RFC1: variants seen among roughly 807,000 people sequenced by gnomAD.
RFC1 encodes the protein A1 140 kDa subunit.
RFC1 carries 37 observed loss-of-function variants against 137.4 expected under a neutral mutation model. That is an observed-to-expected ratio of 0.27 (90% CI 0.21 to 0.35). RFC1 has a LOEUF of 0.35. Ranked by LOEUF, RFC1 falls within the 10% of genes least tolerant of loss-of-function variation. The pLI is 1.00. For missense variants in RFC1, 1,205 were observed against 1,358.5 expected (o/e 0.89, Z 1.78); for synonymous variants, 429 against 455.7 (o/e 0.94, Z 0.75).
chr4:39,322,826 A>G (rs1340514738), intron 7 of RFC1, among the ~76,000 whole-genome samples: 1 of 151,856 alleles, frequency 6.6e-6, no homozygotes, highest in Non-Finnish European at 1.5e-5. Flanking sequence ...GCTCACATCT[A>G]TAATCCTAGC....
chr4:39,346,495 C>G (rs1740867450), intron 2 of RFC1, among the ~76,000 whole-genome samples: 1 of 150,038 alleles, frequency 6.7e-6, no homozygotes, highest in Admixed American at 6.6e-5. Context: ...AAAAAAAGTA[C>G]TAAATAAAAC....
chr4:39,306,036 ACT>A (rs1215600731), intron 14 of RFC1, among the ~76,000 whole-genome samples: 1 of 152,216 alleles, frequency 6.6e-6, no homozygotes, highest in Non-Finnish European at 1.5e-5. Context: ...TAACACGTGA[ACT>A]CTGATCTGCT....
At chr4:39,356,783 T>G (rs1387217650) in intron 1 of RFC1, among the ~76,000 whole-genome samples, 3 of 152,200 alleles carry the variant, frequency 2.0e-5, no homozygotes, top group Admixed American at 6.5e-5. Context: ...AATAACTTTT[T>G]TAAAGAAATC....
intron 23 of RFC1, among the ~76,000 whole-genome samples, chr4:39,291,390 A>T (rs1433216924): frequency 1.3e-5 from 2 of 152,218 alleles, no homozygotes; most frequent in African/African-American, 4.8e-5. Flanking sequence ...TTGCTCCTCA[A>T]ATTTCACTTC....
chr4:39,326,765 C>T (rs1191114991), intron 5 of RFC1, 125 bp from the exon 6 acceptor site: 1 of 673,202 alleles, frequency 1.5e-6, no homozygotes, highest in African/African-American at 1.8e-5. Context: ...GTAACAGCTG[C>T]AATGTACACC....
intron 4 of RFC1, among the ~76,000 whole-genome samples, chr4:39,338,891 T>C (rs977603258): frequency 1.3e-5 from 2 of 152,176 alleles, no homozygotes; most frequent in African/African-American, 4.8e-5. Flanking sequence ...TGCTACTTTG[T>C]AACCTCTAAT....
At chr4:39,356,338 G>A (rs1741480124) in intron 1 of RFC1, among the ~76,000 whole-genome samples, 1 of 152,116 alleles carries the variant, frequency 6.6e-6, no homozygotes, top group Non-Finnish European at 1.5e-5. Context: ...AGTGGAGGGT[G>A]CAGTGGACCA....
chr4:39,351,121 G>T (rs1284407598), intron 2 of RFC1, among the ~76,000 whole-genome samples: 2 of 151,786 alleles, frequency 1.3e-5, no homozygotes, highest in Middle Eastern at 6.8e-3. Context: ...TGTGGTGGCG[G>T]GCGCCTGTAG....
At position 39,314,417 on chromosome 4, in the gene RFC1, A is replaced by G. The variant is rs549669116; in HGVS notation, c.1204-1486T>C. Among the ~76,000 whole-genome samples the G allele has an allele frequency of 3.3e-5, 5 of 152,196 alleles. No individual in the cohort carries two copies. In the South Asian group the frequency reaches 1.0e-3, roughly 32 times the overall value. Reference sequence around the variant, plus strand: ...CTCTGATTATCTTTTTACTTATCCAATCTTAGCACTTCTAGCCTCCCTATC... The same window carrying G: ...CTCTGATTATCTTTTTACTTATCCAGTCTTAGCACTTCTAGCCTCCCTATC... On this transcript the variant is annotated intron_variant, in intron 10 of 24. Transcript: ENST00000349703.
At chr4:39,298,252 G>A (rs759618853) in intron 21 of RFC1, among the ~76,000 whole-genome samples, 13 of 146,290 alleles carry the variant, frequency 8.9e-5, no homozygotes, top group Non-Finnish European at 1.6e-4. Context: ...AGGCTGCAGT[G>A]AGCCATGATC....
In RFC1 at chr4:39,310,209, C is replaced by G. The variant is rs140321889; in HGVS notation, c.1489-1177G>C. On this transcript the variant is annotated intron_variant, in intron 12 of 24. Coordinates refer to ENST00000349703, the MANE Select transcript of RFC1 (RefSeq NM_002913.5). Reference sequence around the variant, plus strand: ...ACATTCCACAAAACTGACCAGTACTCATTAAAAGTGTCAAGGTTGTAAGAA... The same window carrying G: ...ACATTCCACAAAACTGACCAGTACTGATTAAAAGTGTCAAGGTTGTAAGAA... Among the ~76,000 whole-genome samples the G allele has an allele frequency of 2.0e-5, 3 of 152,194 alleles. No individual in the cohort carries two copies. In the East Asian group the frequency reaches 5.8e-4, roughly 29 times the overall value.
chr4:39,293,202 G>A (rs1032493022), intron 22 of RFC1, among the ~76,000 whole-genome samples: 3 of 152,022 alleles, frequency 2.0e-5, no homozygotes, highest in Non-Finnish European at 1.5e-5. Context: ...AATTAAGCAC[G>A]CTAGTACTTA....
chr4:39,304,811 T>C lies in RFC1; in HGVS notation c.2110+3A>G. On this transcript the variant is annotated splice_donor_region_variant and intron_variant, in intron 15 of 24. Transcript: ENST00000349703. ...AACAACAGGAGGTCAAAAAGCCACA[T>C]ACTTGAATAAAAGCCTTTGATGCTG... The C allele has an allele frequency of 3.2e-6, 5 of 1,558,490 alleles. No individual in the cohort carries two copies. Among genetic ancestry groups the C allele is most frequent in the Non-Finnish European group, 4.4e-6 (5 of 1,129,562 alleles).
In RFC1 at chr4:39,311,433, T is replaced by C. The variant is rs775566854; in HGVS notation, c.1488+12A>G. 1 of 1,606,532 alleles carries C rather than the reference T, an allele frequency of 6.2e-7. No individual in the cohort carries two copies. On this transcript the variant is annotated intron_variant, in intron 12 of 24. Transcript: ENST00000349703. Reference sequence around the variant, plus strand: ...TATACACCAACTTAAATCACATTCATTTTATACGAACCTCAGTTTCAACTG... The same window carrying C: ...TATACACCAACTTAAATCACATTCACTTTATACGAACCTCAGTTTCAACTG...
chr4:39,351,570 G>A, intron 1 of RFC1, 94 bp from the exon 2 acceptor site: 1 of 1,094,602 alleles, frequency 9.1e-7, no homozygotes, highest in Non-Finnish European at 1.2e-6. Flanking sequence ...GTACACACTG[G>A]GTTACCCTGA....
At chr4:39,303,683 A>ACCTCAGGTGATCTGTCCG (rs1321882527) in intron 15 of RFC1, among the ~76,000 whole-genome samples, 3 of 152,174 alleles carry the variant, frequency 2.0e-5, no homozygotes, top group African/African-American at 7.2e-5. Flanking sequence ...CAAACTCCTG[A>ACCTCAGGTGATCTGTCCG]CCTCAGGTGA....
At chr4:39,359,093 AC>A (rs1475795650) in intron 1 of RFC1, among the ~76,000 whole-genome samples, 1 of 151,844 alleles carries the variant, frequency 6.6e-6, no homozygotes, top group African/African-American at 2.4e-5. Flanking sequence ...ACCACCATTC[AC>A]CCAAAACAGA....
Position 39,292,615 on chromosome 4 carries a change from ATTATTTATTTAT to A in RFC1, c.2955-775_2955-764del, listed in dbSNP as rs58733449. 4.6e-3 allele frequency among the ~76,000 whole-genome samples: 666 copies of A among 144,054 alleles called. 1 individual carries two copies. Among genetic ancestry groups the A allele is most frequent in the African/African-American group, 0.013 (520 of 38,964 alleles). The allele number at this position is 144,054 out of a possible 152,430, so 94.5% of individuals were successfully genotyped here. ...TCAAACCAGGCATTTATATGTATAC[ATTATTTATTTAT>A]TTATTTATTTATTTATTTATTTATT... On this transcript the variant is annotated intron_variant, in intron 22 of 24. Transcript: ENST00000349703.
chr4:39,312,204 C>T (rs1578125937), intron 11 of RFC1, among the ~76,000 whole-genome samples: 1 of 152,216 alleles, frequency 6.6e-6, no homozygotes, highest in South Asian at 2.1e-4. Context: ...AACCACAAGG[C>T]AACATGCATG....
Sources: allele counts gnomAD v4.1 joint callset (sites outside exome capture counted in the v4.1 genomes callset), GRCh38; gene constraint gnomAD v4.1.1; transcripts MANE v1.5; gene names NCBI Gene and HGNC (gene_info 2026-07-23, HGNC 2026-07-21).